EXOC4: variants seen among roughly 807,000 people sequenced by gnomAD.
The protein encoded by EXOC4 is SEC8-like 1.
EXOC4 carries 71 observed loss-of-function variants against 107.2 expected under a neutral mutation model. That is an observed-to-expected ratio of 0.66 (90% CI 0.55 to 0.81). The LOEUF (loss-of-function observed/expected upper bound fraction) is 0.81, where lower values mean the gene tolerates loss of function less well. Ranked by LOEUF, EXOC4 falls within the 30% of genes least tolerant of loss-of-function variation. The probability of loss-of-function intolerance (pLI) is 0.00; values close to 1 mark genes in which losing one functional copy is unlikely to be tolerated. For missense variants in EXOC4, 1,108 were observed against 1,189.6 expected (o/e 0.93, Z 1.01); for synonymous variants, 456 against 441.2 (o/e 1.03, Z -0.42).
chr7:133,387,224 TGAA>T (rs1243899040), intron 7 of EXOC4, among the ~76,000 whole-genome samples: 6 of 152,164 alleles, frequency 3.9e-5, no homozygotes, highest in African/African-American at 1.2e-4. Context: ...CTTAAGGGGT[TGAA>T]GAGGTTTACA....
At chr7:133,429,038 G>C (rs1389390735) in intron 7 of EXOC4, among the ~76,000 whole-genome samples, 1 of 152,172 alleles carries the variant, frequency 6.6e-6, no homozygotes, top group African/African-American at 2.4e-5. Flanking sequence ...TGCAGGGAAA[G>C]TATTAAGCAA....
intron 1 of EXOC4, among the ~76,000 whole-genome samples, chr7:133,269,985 T>G (rs535132778): frequency 6.6e-6 from 1 of 152,290 alleles, no homozygotes; most frequent in East Asian, 1.9e-4. Flanking sequence ...CATCTCATCT[T>G]GAATTTTAAC....
chr7:133,970,040 G>T (rs1214257394), intron 14 of EXOC4, among the ~76,000 whole-genome samples: 1 of 152,166 alleles, frequency 6.6e-6, no homozygotes, highest in Non-Finnish European at 1.5e-5. Flanking sequence ...GAGATGCCCT[G>T]CCCAGGGAGG....
intron 9 of EXOC4, among the ~76,000 whole-genome samples, chr7:133,558,918 CT>C (rs921455417): frequency 3.0e-4 from 46 of 152,312 alleles, no homozygotes; most frequent in African/African-American, 1.1e-3. Context: ...GCCTTCCTTA[CT>C]TTTAAGACAT....
chr7:134,061,359 G>GGA (rs1175276015), intron 17 of EXOC4, among the ~76,000 whole-genome samples: 1 of 152,232 alleles, frequency 6.6e-6, no homozygotes, highest in Non-Finnish European at 1.5e-5. Context: ...AGCCTTCTCT[G>GGA]ATGCGTTTAG....
chr7:133,368,742 G>A (rs1796300492), intron 6 of EXOC4, among the ~76,000 whole-genome samples: 2 of 152,124 alleles, frequency 1.3e-5, no homozygotes, highest in Non-Finnish European at 2.9e-5. Context: ...ATGCTGCATT[G>A]AGTATTACTA....
chr7:134,079,138 G>A, the EXOC4 span, among the ~76,000 whole-genome samples: 1 of 152,212 alleles, frequency 6.6e-6, no homozygotes, highest in African/African-American at 2.4e-5. Flanking sequence ...AGCAGGAAGT[G>A]TGCTACAAAG....
At position 133,414,292 on chromosome 7, in the gene EXOC4, A is replaced by G. The variant is rs140624377; in HGVS notation, c.1182+39290A>G. 1.2e-3 allele frequency among the ~76,000 whole-genome samples: 187 copies of G among 152,308 alleles called. 1 individual carries two copies. The highest frequency in any genetic ancestry group is 4.3e-3 in the African/African-American group (178 of 41,578). ...GATTCCATTTTACACCTATTGATTG[A>G]CAATACCTAATAAGCTTGATAACAC... On this transcript the variant is annotated intron_variant, in intron 7 of 17. Transcript: ENST00000253861.
intron 5 of EXOC4, among the ~76,000 whole-genome samples, chr7:133,333,650 T>C (rs527503113): frequency 6.6e-6 from 1 of 152,320 alleles, no homozygotes; most frequent in South Asian, 2.1e-4. Flanking sequence ...TTTCTGTATG[T>C]ATTTCTACAT....
At chr7:133,538,146 G>C (rs1021575045) in intron 9 of EXOC4, among the ~76,000 whole-genome samples, 1 of 152,158 alleles carries the variant, frequency 6.6e-6, no homozygotes, top group African/African-American at 2.4e-5. Context: ...AACCCAGGCC[G>C]TTTGAATTCA....
intron 10 of EXOC4, among the ~76,000 whole-genome samples, chr7:133,746,037 A>C (rs1795670303): frequency 6.6e-6 from 1 of 152,152 alleles, no homozygotes; most frequent in Admixed American, 6.6e-5. Context: ...TTAAAGGCTT[A>C]AAATAGGTAA....
At chr7:133,684,959 A>C (rs929507251) in intron 10 of EXOC4, among the ~76,000 whole-genome samples, 3 of 152,172 alleles carry the variant, frequency 2.0e-5, no homozygotes, top group African/African-American at 7.2e-5. Flanking sequence ...AATAGAAAAA[A>C]ATCCAATCAG....
intron 7 of EXOC4, among the ~76,000 whole-genome samples, chr7:133,402,145 G>A (rs1387258836): frequency 6.6e-6 from 1 of 152,194 alleles, no homozygotes; most frequent in Non-Finnish European, 1.5e-5. Context: ...CTTGCGGAAA[G>A]TATTTAAAAC....
chr7:133,953,275 G>C (rs933055301), intron 14 of EXOC4, among the ~76,000 whole-genome samples: 1 of 151,970 alleles, frequency 6.6e-6, no homozygotes, highest in African/African-American at 2.4e-5. Context: ...TTACTTCTTA[G>C]CACCTCTTGA....
In EXOC4 at chr7:133,317,712, C is replaced by T. The variant is rs182831833; in HGVS notation, c.763+322C>T. Among the ~76,000 whole-genome samples, 27 of 152,114 alleles carry T rather than the reference C, an allele frequency of 1.8e-4. No homozygotes were observed. In the South Asian group the frequency reaches 5.2e-3, roughly 29 times the overall value. On this transcript the variant is annotated intron_variant, in intron 5 of 17. Transcript: ENST00000253861. ...TTTCTTTTTTTTTGAGACGGAGTCT[C>T]GCTCTGTTGCCCAGGCTGGAGTGTA...
intron 13 of EXOC4, among the ~76,000 whole-genome samples, chr7:133,928,429 G>T (rs1468003045): frequency 6.6e-6 from 1 of 152,202 alleles, no homozygotes; most frequent in African/African-American, 2.4e-5. Flanking sequence ...TCTGCTGCAA[G>T]CTGAAATTCC....
intron 10 of EXOC4, among the ~76,000 whole-genome samples, chr7:133,648,490 T>G (rs1046674005): frequency 6.6e-6 from 1 of 152,212 alleles, no homozygotes; most frequent in African/African-American, 2.4e-5. Context: ...ATTTTAGTCT[T>G]CATGACACTA....
intron 10 of EXOC4, among the ~76,000 whole-genome samples, chr7:133,740,052 C>G (rs1461634374): frequency 6.6e-6 from 1 of 152,032 alleles, no homozygotes; most frequent in African/African-American, 2.4e-5. Context: ...ATTTCATCAT[C>G]AATTTATGGC....
At chr7:133,797,703 G>A (rs562530399) in intron 10 of EXOC4, among the ~76,000 whole-genome samples, 2 of 152,266 alleles carry the variant, frequency 1.3e-5, no homozygotes, top group East Asian at 1.9e-4. Flanking sequence ...GAGAGTCACA[G>A]CCCTCCTCCA....
Sources: allele counts gnomAD v4.1 joint callset (sites outside exome capture counted in the v4.1 genomes callset), GRCh38; gene constraint gnomAD v4.1.1; transcripts MANE v1.5; gene names NCBI Gene and HGNC (gene_info 2026-07-23, HGNC 2026-07-21).